Variants in ADARB2 observed in about 807,000 individuals in gnomAD.
ADARB2 encodes the protein adenosine deaminase RNA specific B2 (inactive), also known as inactive double-stranded RNA-specific editase B2.
In ADARB2, 25 loss-of-function variants were observed where a neutral mutation model predicts 62.2. The ratio of observed to expected loss-of-function variants is 0.40; its 90% confidence interval spans 0.29 to 0.56. ADARB2 has a LOEUF of 0.56. Ranked by LOEUF, ADARB2 falls within the 20% of genes least tolerant of loss-of-function variation. The pLI, the probability that ADARB2 is intolerant of heterozygous loss-of-function variation, is 0.43. For missense variants in ADARB2, 1,071 were observed against 1,077.4 expected (o/e 0.99, Z 0.08); for synonymous variants, 572 against 500.8 (o/e 1.14, Z -1.90).
At chr10:1,515,190 G>A (rs1831993445) in intron 1 of ADARB2, among the ~76,000 whole-genome samples, 1 of 152,220 alleles carries the variant, frequency 6.6e-6, no homozygotes, top group Non-Finnish European at 1.5e-5. Context: ...GAAGCAGACT[G>A]AATGTCAGCC....
chr10:1,422,286 C>T (rs1403122941), intron 1 of ADARB2, among the ~76,000 whole-genome samples: 1 of 152,220 alleles, frequency 6.6e-6, no homozygotes, highest in East Asian at 1.9e-4. Flanking sequence ...AATATAAGGT[C>T]AGGAGTTTTC....
At chr10:1,408,544 G>A (rs1461660626) in intron 1 of ADARB2, among the ~76,000 whole-genome samples, 2 of 152,132 alleles carry the variant, frequency 1.3e-5, no homozygotes, top group East Asian at 1.9e-4. Context: ...CAGTCACACC[G>A]AGTCCCAGGG....
chr10:1,492,795 G>T (rs1322804713), intron 1 of ADARB2, among the ~76,000 whole-genome samples: 1 of 152,024 alleles, frequency 6.6e-6, no homozygotes, highest in Non-Finnish European at 1.5e-5. Flanking sequence ...AGGGAAGGAG[G>T]TGGGAGACGA....
chr10:1,573,369 G>T (rs537585143), intron 1 of ADARB2, among the ~76,000 whole-genome samples: 1 of 152,180 alleles, frequency 6.6e-6, no homozygotes, highest in African/African-American at 2.4e-5. Context: ...TGGGATAAAA[G>T]GGCCTTCCCC....
At chr10:1,403,360 G>A (rs2805525) in intron 1 of ADARB2, among the ~76,000 whole-genome samples, 9,935 of 152,186 alleles carry the variant, frequency 0.065, 1,135 homozygotes, top group African/African-American at 0.23. Context: ...AGTCATTGCG[G>A]GGGCCCTATC....
intron 1 of ADARB2, among the ~76,000 whole-genome samples, chr10:1,409,266 G>A (rs969636144): frequency 1.2e-4 from 13 of 112,446 alleles, no homozygotes; most frequent in Non-Finnish European, 2.1e-4. Context: ...TCGTCGCCCC[G>A]CCCTGCCTGA....
intron 3 of ADARB2, among the ~76,000 whole-genome samples, chr10:1,331,577 G>A (rs1351939822): frequency 1.3e-5 from 2 of 152,178 alleles, no homozygotes; most frequent in Non-Finnish European, 2.9e-5. Context: ...GGTTGCTAGG[G>A]GCCAGGGGAG....
chr10:1,329,658 C>T (rs1305608718), intron 3 of ADARB2, among the ~76,000 whole-genome samples: 3 of 152,184 alleles, frequency 2.0e-5, no homozygotes, highest in Non-Finnish European at 2.9e-5. Flanking sequence ...TTAATCCCTC[C>T]GCCTCCCTGA....
At chr10:1,320,107 T>C (rs1032441371) in intron 3 of ADARB2, among the ~76,000 whole-genome samples, 9 of 152,146 alleles carry the variant, frequency 5.9e-5, no homozygotes, top group Non-Finnish European at 1.3e-4. Context: ...ACATCTTGCC[T>C]CCATCCTCAG....
intron 1 of ADARB2, among the ~76,000 whole-genome samples, chr10:1,608,998 C>G (rs1158240795): frequency 6.6e-6 from 1 of 152,122 alleles, no homozygotes. Context: ...GCTGCCCCTG[C>G]GGATTGCACG....
intron 4 of ADARB2, among the ~76,000 whole-genome samples, chr10:1,262,974 C>G (rs774671490): frequency 6.6e-5 from 10 of 151,946 alleles, no homozygotes; most frequent in Non-Finnish European, 1.5e-4. Flanking sequence ...AGTCTATGTC[C>G]TTTGTAGGGA....
intron 1 of ADARB2, among the ~76,000 whole-genome samples, chr10:1,421,350 T>G (rs1832851639): frequency 6.6e-6 from 1 of 151,876 alleles, no homozygotes; most frequent in African/African-American, 2.4e-5. Context: ...AGGGTCTCAG[T>G]GTCTCAGGGT....
intron 1 of ADARB2, among the ~76,000 whole-genome samples, chr10:1,519,394 T>A (rs975114382): frequency 6.6e-6 from 1 of 152,236 alleles, no homozygotes; most frequent in Non-Finnish European, 1.5e-5. Flanking sequence ...GGTGGTGTGG[T>A]CATATGCATG....
intron 1 of ADARB2, among the ~76,000 whole-genome samples, chr10:1,384,589 C>G (rs893644942): frequency 5.3e-5 from 8 of 152,194 alleles, no homozygotes; most frequent in Admixed American, 6.5e-5. Flanking sequence ...GGATGCCAGG[C>G]AGTGCGTGAC....
At chr10:1,715,882 C>G (rs1486314012) in intron 1 of ADARB2, among the ~76,000 whole-genome samples, 1 of 152,214 alleles carries the variant, frequency 6.6e-6, no homozygotes, top group African/African-American at 2.4e-5. Flanking sequence ...GCACACCCTT[C>G]CGAACAGCAG....
intron 1 of ADARB2, among the ~76,000 whole-genome samples, chr10:1,646,101 G>A (rs1381737698): frequency 6.6e-6 from 1 of 152,174 alleles, no homozygotes; most frequent in Admixed American, 6.5e-5. Context: ...AGATCCCCAT[G>A]TGGACTCTAC....
At chr10:1,637,034 G>C (rs1833925522) in intron 1 of ADARB2, among the ~76,000 whole-genome samples, 1 of 151,764 alleles carries the variant, frequency 6.6e-6, no homozygotes, top group African/African-American at 2.4e-5. Context: ...GTGCCCTCAT[G>C]ATTTAATACT....
intron 1 of ADARB2, among the ~76,000 whole-genome samples, chr10:1,669,106 C>T (rs1186802437): frequency 6.6e-6 from 1 of 152,166 alleles, no homozygotes; most frequent in African/African-American, 2.4e-5. Flanking sequence ...TACTGCCTGC[C>T]TAATGTCACA....
At chr10:1,530,602 T>C (rs978839104) in intron 1 of ADARB2, among the ~76,000 whole-genome samples, 2 of 152,134 alleles carry the variant, frequency 1.3e-5, no homozygotes, top group African/African-American at 4.8e-5. Flanking sequence ...CGTCCGCCCC[T>C]GCGCCCAAAG....
Sources: gnomAD v4.1 joint callset for allele counts (sites outside exome capture counted in the v4.1 genomes callset) on GRCh38, gnomAD v4.1.1 for gene constraint, MANE v1.5 for transcripts, NCBI Gene and HGNC (gene_info 2026-07-23, HGNC 2026-07-21) for gene names.